Variants in RBMS3 observed in about 807,000 individuals in gnomAD.
RBMS3 encodes the protein RNA binding motif single stranded interacting protein 3, also known as RNA-binding motif, single-stranded-interacting protein 3.
RBMS3 carries 27 observed loss-of-function variants against 66.8 expected under a neutral mutation model. The observed-to-expected ratio is 0.40, with a 90% CI of 0.30 to 0.56. The LOEUF (loss-of-function observed/expected upper bound fraction) is 0.56. Among genes scored for constraint, RBMS3 ranks in the 20% least tolerant of loss-of-function variants. The probability of loss-of-function intolerance (pLI) is 0.40; values close to 1 mark genes in which losing one functional copy is unlikely to be tolerated. For missense variants in RBMS3, 513 were observed against 549.5 expected, an observed-to-expected ratio of 0.93 and a Z score of 0.66; for synonymous variants, 188 against 183.0, an observed-to-expected ratio of 1.03 and a Z score of -0.22.
intron 2 of RBMS3, among the ~76,000 whole-genome samples, chr3:29,437,849 G>T (rs2041457817): frequency 6.6e-6 from 1 of 152,054 alleles, no homozygotes; most frequent in South Asian, 2.1e-4. Flanking sequence ...TTTGATTGAA[G>T]ACCTCATTAT....
chr3:29,422,012 C>T (rs1017768342), intron 1 of RBMS3, among the ~76,000 whole-genome samples: 2 of 152,128 alleles, frequency 1.3e-5, no homozygotes, highest in Admixed American at 6.5e-5. Context: ...ATATAGAATG[C>T]TGTGTGCCAG....
chr3:29,468,674 C>T (rs189733808), intron 2 of RBMS3, among the ~76,000 whole-genome samples: 1 of 152,180 alleles, frequency 6.6e-6, no homozygotes, highest in Non-Finnish European at 1.5e-5. Context: ...TTCATACTCT[C>T]CTAACTAGTT....
intron 4 of RBMS3, among the ~76,000 whole-genome samples, chr3:29,620,487 A>G (rs980720906): frequency 2.0e-5 from 3 of 152,140 alleles, no homozygotes; most frequent in South Asian, 2.1e-4. Flanking sequence ...TAGGGGCTAC[A>G]ATTACGATAA....
chr3:29,512,667 C>T (rs1163740287), intron 3 of RBMS3, among the ~76,000 whole-genome samples: 1 of 152,146 alleles, frequency 6.6e-6, no homozygotes, highest in Non-Finnish European at 1.5e-5. Flanking sequence ...AACGAAATAA[C>T]CCACACCAAA....
intron 3 of RBMS3, among the ~76,000 whole-genome samples, chr3:29,508,623 C>A (rs552701311): frequency 7.9e-5 from 12 of 152,198 alleles, no homozygotes; most frequent in Admixed American, 3.3e-4. Context: ...GGGCTGGTTT[C>A]AAGTCTTTGC....
chr3:29,734,235 G>T (rs538283421), intron 4 of RBMS3, among the ~76,000 whole-genome samples: 1 of 152,164 alleles, frequency 6.6e-6, no homozygotes, highest in Non-Finnish European at 1.5e-5. Flanking sequence ...GGTTACTAGA[G>T]GCTAGGAAGA....
intron 1 of RBMS3, among the ~76,000 whole-genome samples, chr3:29,352,339 A>G (rs1477058224): frequency 6.6e-6 from 1 of 152,036 alleles, no homozygotes; most frequent in Non-Finnish European, 1.5e-5. Context: ...TCCCCCTTTT[A>G]TAGTGCATGA....
At chr3:29,464,532 T>TA (rs748805044) in intron 2 of RBMS3, among the ~76,000 whole-genome samples, 1 of 152,170 alleles carries the variant, frequency 6.6e-6, no homozygotes, top group Non-Finnish European at 1.5e-5. Context: ...TACTCACAAG[T>TA]AAACTAGAAA....
At chr3:29,732,483 C>G (rs1179864465) in intron 4 of RBMS3, among the ~76,000 whole-genome samples, 1 of 152,158 alleles carries the variant, frequency 6.6e-6, no homozygotes, top group Admixed American at 6.6e-5. Flanking sequence ...TCTGGGCACA[C>G]TGTGTCTCAG....
intron 8 of RBMS3, among the ~76,000 whole-genome samples, chr3:29,885,619 A>T (rs2059852148): frequency 6.6e-6 from 1 of 151,946 alleles, no homozygotes; most frequent in Non-Finnish European, 1.5e-5. Context: ...ACAATTATAA[A>T]TTTATATTGG....
At chr3:29,533,661 C>T (rs1232625114) in intron 3 of RBMS3, among the ~76,000 whole-genome samples, 1 of 152,068 alleles carries the variant, frequency 6.6e-6, no homozygotes, top group Admixed American at 6.5e-5. Flanking sequence ...CCTGTAGTCC[C>T]AGGTACTCTG....
At chr3:29,594,267 AT>A (rs933762062) in intron 4 of RBMS3, among the ~76,000 whole-genome samples, 44 of 151,412 alleles carry the variant, frequency 2.9e-4, no homozygotes, top group African/African-American at 7.7e-4. Context: ...ACTGTTTGGA[AT>A]TTTTTTTTCA....
chr3:29,731,724 T>C (rs1356329212), intron 4 of RBMS3, among the ~76,000 whole-genome samples: 2 of 152,144 alleles, frequency 1.3e-5, no homozygotes, highest in Non-Finnish European at 2.9e-5. Flanking sequence ...TGTCCTCATT[T>C]CTTCATAGCA....
At chr3:29,430,226 T>A (rs2125715885) in intron 1 of RBMS3, among the ~76,000 whole-genome samples, 1 of 152,236 alleles carries the variant, frequency 6.6e-6, no homozygotes, top group East Asian at 1.9e-4. Flanking sequence ...ATAAATGAAA[T>A]ACTAAAGATA....
At chr3:29,621,843 A>G (rs1291801876) in intron 4 of RBMS3, among the ~76,000 whole-genome samples, 1 of 152,180 alleles carries the variant, frequency 6.6e-6, no homozygotes, top group East Asian at 1.9e-4. Flanking sequence ...ATACCTGTAG[A>G]AAAAAGAAAA....
chr3:29,708,071 G>A (rs1576581387), intron 4 of RBMS3, among the ~76,000 whole-genome samples: 1 of 152,258 alleles, frequency 6.6e-6, no homozygotes, highest in Non-Finnish European at 1.5e-5. Context: ...CATGCCTTTT[G>A]CAACAAAAAG....
At chr3:29,496,197 A>C (rs1437904464) in intron 3 of RBMS3, among the ~76,000 whole-genome samples, 4 of 41,178 alleles carry the variant, frequency 9.7e-5, no homozygotes, top group East Asian at 1.6e-3. Flanking sequence ...GCCCACATCA[A>C]AAAAAAAAAA....
chr3:29,669,642 G>C (rs2050911749), intron 4 of RBMS3, among the ~76,000 whole-genome samples: 1 of 152,190 alleles, frequency 6.6e-6, no homozygotes, highest in Non-Finnish European at 1.5e-5. Flanking sequence ...TAGATTAAAT[G>C]ACTCCTAGAA....
chr3:29,685,152 G>A (rs187611294), intron 4 of RBMS3, among the ~76,000 whole-genome samples: 32 of 151,960 alleles, frequency 2.1e-4, no homozygotes, highest in African/African-American at 6.8e-4. Flanking sequence ...TCCGCCTCCC[G>A]GGTTCACACC....
Sources: allele counts gnomAD v4.1 joint callset (sites outside exome capture counted in the v4.1 genomes callset), GRCh38; gene constraint gnomAD v4.1.1; transcripts MANE v1.5; gene names NCBI Gene and HGNC (gene_info 2026-07-23, HGNC 2026-07-21).